WDR4: variants seen among roughly 807,000 people sequenced by gnomAD.
WDR4 encodes the protein WDR4 tRNA N7-guanosine methyltransferase non-catalytic subunit, also known as tRNA (guanine-N(7)-)-methyltransferase non-catalytic subunit WDR4.
Under a neutral mutation model 48.6 loss-of-function variants are expected in WDR4, and 47 were observed. That is an observed-to-expected ratio of 0.97 (90% CI 0.77 to 1.23). The LOEUF (loss-of-function observed/expected upper bound fraction) is 1.23. WDR4 is among the 50% of genes most tolerant of loss of function. The pLI, the probability that WDR4 is intolerant of heterozygous loss-of-function variation, is 0.00. For synonymous variants in WDR4, 268 were observed against 230.0 expected (o/e 1.17, Z -1.49); for missense variants, 606 against 551.6 (o/e 1.10, Z -0.99).
In WDR4 at chr21:42,873,654, G is replaced by GAATC; in HGVS notation, c.189_192dup (p.Leu65AspfsTer18). 1 of 1,614,156 alleles carries GAATC rather than the reference G, an allele frequency of 6.2e-7. No homozygotes were observed. The highest frequency in any genetic ancestry group is 8.5e-7 in the Non-Finnish European group (1 of 1,180,026). ...CCAGACTTGGAGAAGGTGGACGCCA[G>GAATC]AATCGCACCGCTCCCCTGGTCCAAG... On this transcript the variant is annotated frameshift_variant, in exon 3 of 11. Coordinates refer to ENST00000398208, the MANE Select transcript of WDR4 (RefSeq NM_018669.6). LOFTEE classifies it high-confidence loss of function.
downstream of WDR4, among the ~76,000 whole-genome samples, chr21:42,845,091 C>A (rs2057699337): frequency 6.6e-6 from 1 of 152,232 alleles, no homozygotes; most frequent in Non-Finnish European, 1.5e-5. Context: ...GCTGGAGATA[C>A]CGTGTGGGGG....
At chr21:42,873,739 G>A (rs1396140552) in intron 2 of WDR4, 48 bp from the exon 3 acceptor site, 1 of 1,591,024 alleles carries the variant, frequency 6.3e-7, no homozygotes, top group South Asian at 1.1e-5. Flanking sequence ...AAGGAAATAA[G>A]GCTGCATTCC....
chr21:42,869,632 A>T (rs1252869496), intron 3 of WDR4, among the ~76,000 whole-genome samples: 1 of 152,204 alleles, frequency 6.6e-6, no homozygotes. Context: ...GCTCCTACAA[A>T]TAAACAACAC....
chr21:42,865,826 C>T (rs772417115), intron 3 of WDR4, among the ~76,000 whole-genome samples: 1 of 152,064 alleles, frequency 6.6e-6, no homozygotes, highest in Non-Finnish European at 1.5e-5. Flanking sequence ...TAGCAAGTAA[C>T]CACCCATCTC....
At chr21:42,863,399 C>T in intron 4 of WDR4, 41 bp downstream of exon 4, 1 of 1,589,446 alleles carries the variant, frequency 6.3e-7, no homozygotes. Flanking sequence ...TACCGTGTCC[C>T]ACACCTGCCA....
chr21:42,892,171 G>T, the WDR4 span, among the ~76,000 whole-genome samples: 5 of 149,024 alleles, frequency 3.4e-5, no homozygotes, highest in Admixed American at 3.4e-4. Context: ...AGAGAATGGC[G>T]TGAACCCGGG....
At position 42,862,208 on chromosome 21, in the gene WDR4, C is replaced by T. The variant is rs1174515950; in HGVS notation, c.566+74G>A. On this transcript the variant is annotated intron_variant, in intron 5 of 10. Transcript: ENST00000398208. This position sits in a 1 kb window ranked among gnomAD's most constrained non-coding sequence, Gnocchi z 4.3. ...TGGGGCCTCGCCAGCTACAACGGCACCTGCTGAGCCGCAAGCTGACGCTGT... is the reference window on the plus strand; with the variant it reads ...TGGGGCCTCGCCAGCTACAACGGCATCTGCTGAGCCGCAAGCTGACGCTGT... 6.5e-6 allele frequency: 9 copies of T among 1,393,874 alleles called. No homozygotes were observed. The highest frequency in any genetic ancestry group is 1.3e-5 in the South Asian group (1 of 78,922). The allele number at this position is 1,393,874 out of a possible 1,614,324, so 86.3% of individuals were successfully genotyped here.
chr21:42,885,275 A>G, the WDR4 span, among the ~76,000 whole-genome samples: 1 of 152,118 alleles, frequency 6.6e-6, no homozygotes, highest in East Asian at 1.9e-4. Flanking sequence ...CTCCTCCAAG[A>G]AAGCCTTGGG....
At chr21:42,857,335 G>C (rs2058019340) in intron 6 of WDR4, among the ~76,000 whole-genome samples, 1 of 152,078 alleles carries the variant, frequency 6.6e-6, no homozygotes, top group Admixed American at 6.5e-5. Flanking sequence ...GAGACCGACT[G>C]ACCCACACGT....
At chr21:42,847,919 T>G (rs2057725191), downstream of WDR4, among the ~76,000 whole-genome samples, 5 of 152,192 alleles carry the variant, frequency 3.3e-5, no homozygotes, top group Admixed American at 3.3e-4. Flanking sequence ...TGAGAAAGCA[T>G]GCCCTGCGCC....
At chr21:42,865,210 C>A (rs952842617) in intron 3 of WDR4, among the ~76,000 whole-genome samples, 1 of 152,200 alleles carries the variant, frequency 6.6e-6, no homozygotes, top group African/African-American at 2.4e-5. Context: ...GGGGTAAACA[C>A]AGAGAAAACA....
chr21:42,884,937 A>G, the WDR4 span, among the ~76,000 whole-genome samples: 2 of 151,946 alleles, frequency 1.3e-5, no homozygotes, highest in Non-Finnish European at 2.9e-5. Context: ...CACCACACCC[A>G]GCTAATTTTT....
At chr21:42,852,175 G>A in intron 10 of WDR4, 80 bp downstream of exon 10, 4 of 1,457,134 alleles carry the variant, frequency 2.7e-6, no homozygotes, top group Non-Finnish European at 3.8e-6. Flanking sequence ...ACCCCGGGCA[G>A]GTCACAGTGT....
intron 3 of WDR4, among the ~76,000 whole-genome samples, chr21:42,868,965 A>G (rs1424963312): frequency 1.3e-5 from 2 of 152,130 alleles, no homozygotes; most frequent in African/African-American, 4.8e-5. Context: ...CAATGTAACA[A>G]CTCAGCTACA....
intron 1 of WDR4, among the ~76,000 whole-genome samples, chr21:42,878,479 G>A (rs756077371): frequency 6.6e-6 from 1 of 152,228 alleles, no homozygotes; most frequent in Admixed American, 6.5e-5. Flanking sequence ...GATATGTGAC[G>A]GGTTTCTGAG....
intron 1 of WDR4, 27 bp from the exon 2 acceptor site, chr21:42,876,794 A>C (rs749738988): frequency 6.3e-7 from 1 of 1,597,232 alleles, no homozygotes; most frequent in Non-Finnish European, 8.5e-7. Context: ...ATAATTTTAA[A>C]AGGAGTTATC....
intron 6 of WDR4, 44 bp from the exon 7 acceptor site, chr21:42,855,824 T>G: frequency 6.8e-7 from 1 of 1,467,510 alleles, no homozygotes; most frequent in Non-Finnish European, 9.2e-7. Flanking sequence ...TTGTGGGGCT[T>G]CCGTCAGGTA....
In WDR4 at chr21:42,862,295, A is replaced by C. The variant is rs753550069; in HGVS notation, c.553T>G (p.Leu185Val). Residue 185 changes from leucine to valine, a missense_variant, in exon 5 of 11, where the codon TTG (leucine) becomes GTG (valine). Leu to Val is a conservative substitution (Grantham distance 32, BLOSUM62 1). Transcript: ENST00000398208. This position sits in a 1 kb window ranked among gnomAD's most constrained non-coding sequence, Gnocchi z 4.3. ...AAPHSIESFC[L>V]GHTEFVSRIS... ...AGGGGCACTCACTCTGTGTGCCCCA[A>C]GCAGAAGGACTCGATGCTATGGGGC... The C allele has an allele frequency of 3.7e-6, 6 of 1,609,224 alleles. No homozygotes were observed. The highest frequency in any genetic ancestry group is 2.2e-5 in the South Asian group (2 of 90,118).
rs561483066 is a variant in WDR4 at position 42,879,043 on chromosome 21, G to A, written c.89+364C>T. 8.4e-6 allele frequency: 9 copies of A among 1,069,198 alleles called. No individual in the cohort carries two copies. In the African/African-American group the frequency reaches 1.5e-4, roughly 18 times the overall value. The allele number at this position is 1,069,198 out of a possible 1,614,324, so 66.2% of individuals were successfully genotyped here. ...CCAGTTCTGCAGAGCGTGTTCGGCC[G>A]GGCCTTGCTGACTGGTCAGCGTCGC... On this transcript the variant is annotated intron_variant, in intron 1 of 10. Transcript: ENST00000398208.
Sources: gnomAD v4.1 joint callset for allele counts (sites outside exome capture counted in the v4.1 genomes callset) on GRCh38, gnomAD v4.1.1 for gene constraint, Gnocchi (gnomAD v3.1) non-coding constraint, MANE v1.5 for transcripts, NCBI Gene and HGNC (gene_info 2026-07-23, HGNC 2026-07-21) for gene names.